Variants in RPAP3 observed in about 807,000 individuals in gnomAD.
RPAP3 encodes the protein RNA polymerase II associated protein 3, also known as RNA polymerase II-associated protein 3.
In RPAP3, 58 loss-of-function variants were observed where a neutral mutation model predicts 88.8. That is an observed-to-expected ratio of 0.65 (90% CI 0.53 to 0.81). The LOEUF (loss-of-function observed/expected upper bound fraction) is 0.81, where lower values mean the gene tolerates loss of function less well. RPAP3 is among the 40% of genes least tolerant of loss of function. The pLI is 0.00. For missense variants in RPAP3, 751 were observed against 764.3 expected (o/e 0.98, Z 0.20); for synonymous variants, 255 against 259.9 (o/e 0.98, Z 0.18).
At position 47,701,516 on chromosome 12, in the gene RPAP3, G is replaced by T; in HGVS notation, c.242C>A (p.Thr81Lys). The T allele has an allele frequency of 2.5e-6, 4 of 1,594,090 alleles. No homozygotes were observed. The highest frequency in any genetic ancestry group is 1.1e-5 in the South Asian group (1 of 87,268). The change falls in exon 3 of 17, where the codon ACA becomes AAA. Residue 81 changes from threonine (T) to lysine (K), a missense_variant. Transcript: ENST00000005386. ...ESSKKTREEN[T>K]KNRIKSYDYE... ...ATCATAAGATTTTATCCTGTTTTTT[G>T]TGTTTTCCTCTCTGGTTTTTTTGGA...
chr12:47,688,863 AAAT>A (rs746271618), intron 7 of RPAP3, among the ~76,000 whole-genome samples: 29 of 152,340 alleles, frequency 1.9e-4, no homozygotes, highest in Non-Finnish European at 3.4e-4. Flanking sequence ...TGGGATAAAA[AAAT>A]AATAATTCTG....
chr12:47,702,578 G>A, intron 2 of RPAP3, 110 bp downstream of exon 2: 1 of 905,534 alleles, frequency 1.1e-6, no homozygotes, highest in Non-Finnish European at 1.6e-6. Context: ...AAAATTGACA[G>A]TGAAGCAAGT....
intron 10 of RPAP3, 32 bp from the exon 11 acceptor site, chr12:47,679,806 T>C (rs1188842983): frequency 2.1e-6 from 3 of 1,428,856 alleles, no homozygotes; most frequent in Non-Finnish European, 2.9e-6. Flanking sequence ...CATTACAACA[T>C]AGTTAAAATG....
chr12:47,663,230 T>C lies in RPAP3; in HGVS notation c.*275A>G. 4.1e-6 allele frequency: 1 copy of C among 245,264 alleles called. No homozygotes were observed. The highest frequency in any genetic ancestry group is 7.7e-6 in the Non-Finnish European group (1 of 129,352). 15.2% of individuals were successfully genotyped at this position (245,264 alleles called of 1,614,324 possible). A position where few individuals can be genotyped will look rare whatever the true frequency, so the allele number is the denominator to read the frequency against. On this transcript the variant is annotated 3_prime_UTR_variant, in exon 17 of 17. Transcript: ENST00000005386. ...GTTACATTTATGGGTCACTGAAGAA[T>C]GTATCTAAATTTAACATTTAAAATG...
intron 12 of RPAP3, among the ~76,000 whole-genome samples, chr12:47,677,653 G>A (rs1939143727): frequency 1.3e-5 from 2 of 151,852 alleles, no homozygotes; most frequent in African/African-American, 4.8e-5. Flanking sequence ...TTGCTACAAA[G>A]AGAATAATAC....
intron 12 of RPAP3, among the ~76,000 whole-genome samples, chr12:47,675,104 A>G (rs1450969643): frequency 6.6e-6 from 1 of 152,246 alleles, no homozygotes; most frequent in Non-Finnish European, 1.5e-5. Flanking sequence ...AACATTCTTA[A>G]TGAAAAGAAT....
intron 16 of RPAP3, among the ~76,000 whole-genome samples, chr12:47,665,764 C>T (rs1010492097): frequency 6.6e-5 from 10 of 151,974 alleles, no homozygotes. Context: ...CCTCAGCCCC[C>T]CTAGTAGCTG....
Position 47,665,275 on chromosome 12 carries a change from C to CT in RPAP3, c.1913-1686dup, listed in dbSNP as rs772384915. 1.4e-3 allele frequency among the ~76,000 whole-genome samples: 203 copies of CT among 141,266 alleles called. 1 individual carries two copies. The highest frequency in any genetic ancestry group is 7.2e-3 in the Middle Eastern group (2 of 276). 92.7% of individuals were successfully genotyped at this position (141,266 alleles called of 152,430 possible). A position where few individuals can be genotyped will look rare whatever the true frequency, so the allele number is the denominator to read the frequency against. ...CCACGCCCAGCTAATTTTTTTCTTT[C>CT]TTTTTTTTTTTTTGTATTTTTAGTA... On this transcript the variant is annotated intron_variant, in intron 16 of 16. Coordinates refer to ENST00000005386, the MANE Select transcript of RPAP3 (RefSeq NM_024604.3).
At position 47,679,730 on chromosome 12, in the gene RPAP3, CTGCT is replaced by C; in HGVS notation, c.1155_1158del (p.Ala386Ter). 3.1e-6 allele frequency: 5 copies of C among 1,607,082 alleles called. No individual in the cohort carries two copies. The highest frequency in any genetic ancestry group is 4.3e-6 in the Non-Finnish European group (5 of 1,176,204). On this transcript the variant is annotated frameshift_variant, in exon 11 of 17. Transcript: ENST00000005386. LOFTEE classifies it high-confidence loss of function. ...TTTTTAATTTTGGAGAGTTCAGTTA[CTGCT>C]TGCTTATTTCCAGGTTCCAGAAGTA...
chr12:47,694,658 T>C (rs1192136280), intron 5 of RPAP3, among the ~76,000 whole-genome samples: 2 of 120,918 alleles, frequency 1.7e-5, no homozygotes, highest in African/African-American at 3.1e-5. Context: ...GGAAAAGCCC[T>C]AAAAAAAAAA....
In RPAP3 at chr12:47,679,614, C is replaced by A; in HGVS notation, c.1186-20G>T. ...TAATTCCTTGAAAATAAATTTATAA[C>A]CCTAACTTTCAAAATATTTATTATA... On this transcript the variant is annotated intron_variant, in intron 11 of 16. Transcript: ENST00000005386. 3.9e-6 allele frequency: 6 copies of A among 1,543,102 alleles called. No individual in the cohort carries two copies. Among genetic ancestry groups the A allele is most frequent in the East Asian group, 2.3e-5 (1 of 43,572 alleles).
intron 12 of RPAP3, among the ~76,000 whole-genome samples, chr12:47,670,674 G>A (rs1342653381): frequency 6.6e-6 from 1 of 152,158 alleles, no homozygotes; most frequent in Non-Finnish European, 1.5e-5. Context: ...CACAGAAAAA[G>A]CACACAGGAA....
In RPAP3 at chr12:47,697,472, A is replaced by T. The variant is rs562219800; in HGVS notation, c.417+125T>A. On this transcript the variant is annotated intron_variant, in intron 4 of 16. Coordinates refer to ENST00000005386, the MANE Select transcript of RPAP3 (RefSeq NM_024604.3). ...CATGTTACAATGCCTCCAGAGAGGG[A>T]TGTAGCCAAAAACAACATAAAGTTT... 2.0e-5 allele frequency: 16 copies of T among 810,306 alleles called. No homozygotes were observed. The East Asian group carries it at 4.6e-4, about 23-fold the overall frequency. 50.2% of individuals were successfully genotyped at this position (810,306 alleles called of 1,614,324 possible).
In RPAP3 at chr12:47,681,804, C is replaced by CGAA. The variant is rs1939229057; in HGVS notation, c.1005_1006insTTC (p.Ala335_Glu336insPhe). 1.2e-6 allele frequency: 2 copies of CGAA among 1,605,618 alleles called. No homozygotes were observed. The highest frequency in any genetic ancestry group is 1.7e-6 in the Non-Finnish European group (2 of 1,177,116). ...AAAATGGCTTGTGTGCAGTCTTTTT[C>CGAA]AGCTTCTTCATATCTATTGAACATG... On this transcript the variant is annotated inframe_insertion, in exon 10 of 17. Transcript: ENST00000005386.
rs139600256 is a variant in RPAP3, at chr12:47,694,147, G to C, written c.545+2129C>G. On this transcript the variant is annotated intron_variant, in intron 5 of 16. Transcript: ENST00000005386. Reference sequence around the variant, plus strand: ...GACATTCCTGAATAATAAAAGGTAGGAGAATATGCAGTACACTAAATATTA... The same window carrying C: ...GACATTCCTGAATAATAAAAGGTAGCAGAATATGCAGTACACTAAATATTA... Among the ~76,000 whole-genome samples, 510 of 152,264 alleles carry C rather than the reference G, an allele frequency of 3.3e-3. 2 individuals are homozygous for C. Among genetic ancestry groups the C allele is most frequent in the African/African-American group, 0.012 (482 of 41,558 alleles).
chr12:47,693,870 A>G (rs1353533273), intron 5 of RPAP3, among the ~76,000 whole-genome samples: 9 of 152,226 alleles, frequency 5.9e-5, no homozygotes, highest in Non-Finnish European at 1.3e-4. Flanking sequence ...AACAAACAAA[A>G]CATCTAACAA....
chr12:47,699,276 T>A (rs1319942086), intron 3 of RPAP3: 1 of 152,176 alleles, frequency 6.6e-6, no homozygotes, highest in Non-Finnish European at 1.5e-5. Flanking sequence ...AAAACATCTC[T>A]GTAAGAAATC....
At chr12:47,690,461 A>G in intron 6 of RPAP3, 57 bp downstream of exon 6, 1 of 1,424,576 alleles carries the variant, frequency 7.0e-7, no homozygotes, top group Non-Finnish European at 9.5e-7. Flanking sequence ...TATTCTCCAT[A>G]TAGCATCTGT....
At chr12:47,699,902 A>G (rs1435056018) in intron 3 of RPAP3, 1 of 152,194 alleles carries the variant, frequency 6.6e-6, no homozygotes, top group Non-Finnish European at 1.5e-5. Context: ...TGAAATTCCA[A>G]AACTATCTAC....
Sources: gnomAD v4.1 joint callset for allele counts (sites outside exome capture counted in the v4.1 genomes callset) on GRCh38, gnomAD v4.1.1 for gene constraint, MANE v1.5 for transcripts, NCBI Gene and HGNC (gene_info 2026-07-23, HGNC 2026-07-21) for gene names.